The following CYRIB variants were observed in gnomAD, a reference collection of about 807,000 sequenced individuals.
CYRIB encodes CYFIP-related Rac1 interactor B.
CYRIB carries 8 observed loss-of-function variants against 44.2 expected under a neutral mutation model. The observed-to-expected ratio is 0.18, with a 90% CI of 0.11 to 0.33. CYRIB has a LOEUF of 0.33. CYRIB is among the 10% of genes least tolerant of loss of function. CYRIB has a pLI of 1.00. For synonymous variants in CYRIB, 131 were observed against 127.2 expected (o/e 1.03, Z -0.20); for missense variants, 185 against 382.8 (o/e 0.48, Z 4.31).
At chr8:129,970,957 T>C (rs1238461908) in exon 2 of CYRIB, 1 of 152,182 alleles carries the variant, frequency 6.6e-6, no homozygotes, top group Non-Finnish European at 1.5e-5. Context: ...TGGGTAACCT[T>C]GAATGAGTTA....
intron 1 of CYRIB, among the ~76,000 whole-genome samples, chr8:129,977,411 A>T (rs1412075835): frequency 6.6e-6 from 1 of 152,206 alleles, no homozygotes; most frequent in Non-Finnish European, 1.5e-5. Flanking sequence ...CTCGACACCC[A>T]GCCAAAAATA....
At chr8:129,931,779 A>G (rs893440269) in intron 1 of CYRIB, among the ~76,000 whole-genome samples, 3 of 151,636 alleles carry the variant, frequency 2.0e-5, no homozygotes, top group African/African-American at 7.3e-5. Flanking sequence ...GGCGTGCACC[A>G]CCACACCCAG....
intron 2 of CYRIB, chr8:129,948,456 C>T (rs2094308757): frequency 1.3e-5 from 2 of 152,264 alleles, no homozygotes; most frequent in Non-Finnish European, 2.9e-5. Flanking sequence ...ACCCCTTCCA[C>T]AAACAGCTCT....
At chr8:130,012,724 G>T (rs530684021) in intron 1 of CYRIB, among the ~76,000 whole-genome samples, 1 of 152,130 alleles carries the variant, frequency 6.6e-6, no homozygotes, top group East Asian at 1.9e-4. Context: ...AGGCTGTAGG[G>T]CCCCAAAACC....
chr8:129,983,562 G>C (rs1004792527), intron 1 of CYRIB, among the ~76,000 whole-genome samples: 1 of 152,198 alleles, frequency 6.6e-6, no homozygotes, highest in Non-Finnish European at 1.5e-5. Context: ...GCAGGCACTG[G>C]GTGGGAGTTA....
At chr8:129,891,746 T>C (rs1443345584) in intron 2 of CYRIB, among the ~76,000 whole-genome samples, 1 of 152,198 alleles carries the variant, frequency 6.6e-6, no homozygotes, top group African/African-American at 2.4e-5. Flanking sequence ...AGTTTACTTG[T>C]TAGACTAAAT....
chr8:129,949,092 G>T (rs1047955339), intron 2 of CYRIB: 11 of 151,910 alleles, frequency 7.2e-5, no homozygotes, highest in African/African-American at 1.5e-4. Context: ...AAGAAAAAGA[G>T]AATTCTTAAT....
chr8:129,992,652 T>A (rs2096666397), intron 1 of CYRIB, among the ~76,000 whole-genome samples: 1 of 152,230 alleles, frequency 6.6e-6, no homozygotes, highest in Middle Eastern at 3.2e-3. Flanking sequence ...ACCAATACTT[T>A]TGGAAGAGGG....
At chr8:129,950,087 G>A (rs1285538020) in intron 2 of CYRIB, among the ~76,000 whole-genome samples, 1 of 152,126 alleles carries the variant, frequency 6.6e-6, no homozygotes, top group Non-Finnish European at 1.5e-5. Context: ...TTAAATAAAT[G>A]TATGTACCTG....
At chr8:129,843,576 G>A (rs183934307) in intron 11 of CYRIB, among the ~76,000 whole-genome samples, 80 of 152,276 alleles carry the variant, frequency 5.3e-4, no homozygotes, top group African/African-American at 1.7e-3. Context: ...GGACTAGATC[G>A]TTTTTTCTAG....
intron 1 of CYRIB, among the ~76,000 whole-genome samples, chr8:129,906,283 T>C (rs1386594662): frequency 6.6e-6 from 1 of 152,150 alleles, no homozygotes; most frequent in African/African-American, 2.4e-5. Context: ...AACAGAGTCC[T>C]CAGAAATAAT....
chr8:129,949,632 C>A (rs1344394518), intron 2 of CYRIB, among the ~76,000 whole-genome samples: 1 of 152,014 alleles, frequency 6.6e-6, no homozygotes, highest in Non-Finnish European at 1.5e-5. Context: ...CTTTGGGAGG[C>A]CGAGGTGGGC....
At chr8:129,871,606 G>A (rs2057247902) in intron 3 of CYRIB, 110 bp from the exon 6 acceptor site, 4 of 1,078,116 alleles carry the variant, frequency 3.7e-6, no homozygotes, top group Admixed American at 2.9e-5. Flanking sequence ...GTTAATTCTA[G>A]TTAATGTTAA....
At chr8:129,917,366 T>C (rs549200093) in intron 1 of CYRIB, among the ~76,000 whole-genome samples, 84 of 152,288 alleles carry the variant, frequency 5.5e-4, no homozygotes, top group Admixed American at 1.4e-3. Flanking sequence ...CTATAGCCTA[T>C]TTGGGTCTCA....
chr8:129,925,950 A>G (rs1379222872), intron 1 of CYRIB, among the ~76,000 whole-genome samples: 1 of 152,230 alleles, frequency 6.6e-6, no homozygotes, highest in Non-Finnish European at 1.5e-5. Context: ...ACACGTGTCA[A>G]AAACTCTTTT....
intron 4 of CYRIB, among the ~76,000 whole-genome samples, chr8:129,870,929 C>G (rs2056913213): frequency 6.6e-6 from 1 of 152,112 alleles, no homozygotes; most frequent in Admixed American, 6.6e-5. Context: ...AGCAAGGACA[C>G]AGCTTCTTCT....
At chr8:129,980,236 A>G (rs867716707) in intron 1 of CYRIB, among the ~76,000 whole-genome samples, 315 of 150,792 alleles carry the variant, frequency 2.1e-3, no homozygotes, top group South Asian at 3.6e-3. Flanking sequence ...TCAAAAAAAA[A>G]AAAAAAAAAA....
At chr8:129,881,328 T>G (rs940660524) in intron 2 of CYRIB, among the ~76,000 whole-genome samples, 10 of 152,314 alleles carry the variant, frequency 6.6e-5, no homozygotes, top group African/African-American at 2.4e-4. Flanking sequence ...TGCTGTACTT[T>G]TCCTCCAATT....
chr8:129,842,279 C>A (rs1293915325), intron 11 of CYRIB, 74 bp from the exon 14 acceptor site: 2 of 1,059,580 alleles, frequency 1.9e-6, no homozygotes, highest in East Asian at 2.5e-5. Flanking sequence ...CTAATTATGA[C>A]AGGATGGAGA....
Sources: allele counts gnomAD v4.1 joint callset (sites outside exome capture counted in the v4.1 genomes callset), GRCh38; gene constraint gnomAD v4.1.1; transcripts MANE v1.5; gene names NCBI Gene and HGNC (gene_info 2026-07-23, HGNC 2026-07-21).